UBE2E2: variants seen among roughly 807,000 people sequenced by gnomAD.
The protein encoded by UBE2E2 is ubiquitin-conjugating enzyme E2 E2.
In UBE2E2, 6 loss-of-function variants were observed where a neutral mutation model predicts 24.7. The ratio of observed to expected loss-of-function variants is 0.24; its 90% confidence interval spans 0.13 to 0.48. The LOEUF (loss-of-function observed/expected upper bound fraction) is 0.48. Ranked by LOEUF, UBE2E2 falls within the 20% of genes least tolerant of loss-of-function variation. UBE2E2 has a pLI of 0.99. For synonymous variants in UBE2E2, 104 were observed against 83.6 expected, an observed-to-expected ratio of 1.24 and a Z score of -1.33; for missense variants, 169 against 245.0, an observed-to-expected ratio of 0.69 and a Z score of 2.07.
At chr3:23,222,997 G>A (rs1049734923) in intron 3 of UBE2E2, among the ~76,000 whole-genome samples, 4 of 138,756 alleles carry the variant, frequency 2.9e-5, no homozygotes, top group Admixed American at 1.4e-4. Flanking sequence ...TTTGAGAAAT[G>A]TCTGTTTACA....
chr3:23,582,333 A>G (rs186466535), intron 5 of UBE2E2, among the ~76,000 whole-genome samples: 2 of 152,100 alleles, frequency 1.3e-5, no homozygotes, highest in African/African-American at 4.8e-5. Context: ...GGTTGATTCC[A>G]TGTCTTTGCT....
At chr3:23,265,739 A>G (rs1340384367) in intron 3 of UBE2E2, among the ~76,000 whole-genome samples, 3 of 152,152 alleles carry the variant, frequency 2.0e-5, no homozygotes, top group Admixed American at 2.0e-4. Context: ...TAATGTTGAC[A>G]GTGGGGTGTT....
At chr3:23,416,886 T>G (rs1163161621) in intron 3 of UBE2E2, among the ~76,000 whole-genome samples, 3 of 152,196 alleles carry the variant, frequency 2.0e-5, no homozygotes, top group Non-Finnish European at 2.9e-5. Context: ...TTGTGCTGTG[T>G]TTTTCAGCTC....
intron 3 of UBE2E2, among the ~76,000 whole-genome samples, chr3:23,450,180 A>T (rs1413863204): frequency 6.6e-6 from 1 of 152,184 alleles, no homozygotes; most frequent in South Asian, 2.1e-4. Flanking sequence ...TTGGATAAAG[A>T]GGTTAGGACT....
intron 4 of UBE2E2, among the ~76,000 whole-genome samples, chr3:23,506,362 C>G (rs1471984427): frequency 6.6e-6 from 1 of 152,190 alleles, no homozygotes; most frequent in Non-Finnish European, 1.5e-5. Flanking sequence ...TCAGCCAGAC[C>G]AGCTCCTCTA....
At chr3:23,574,427 C>T (rs1696298113) in intron 5 of UBE2E2, among the ~76,000 whole-genome samples, 1 of 152,134 alleles carries the variant, frequency 6.6e-6, no homozygotes, top group African/African-American at 2.4e-5. Context: ...GGGATGAATA[C>T]TCCATTTGCC....
chr3:23,438,950 A>G (rs1559383886), intron 3 of UBE2E2, among the ~76,000 whole-genome samples: 2 of 152,196 alleles, frequency 1.3e-5, no homozygotes, highest in Admixed American at 6.5e-5. Context: ...TTTGAATACT[A>G]CTCAACACAC....
chr3:23,204,535 G>T, intron 1 of UBE2E2: 1 of 230,416 alleles, frequency 4.3e-6, no homozygotes, highest in Non-Finnish European at 7.2e-6. Flanking sequence ...TTCTAGATAT[G>T]TGATAATTCA....
At chr3:23,276,176 T>G (rs1437000845) in intron 3 of UBE2E2, among the ~76,000 whole-genome samples, 1 of 152,188 alleles carries the variant, frequency 6.6e-6, no homozygotes, top group African/African-American at 2.4e-5. Context: ...CCATTATTCA[T>G]TTCCTTCAGA....
intron 3 of UBE2E2, among the ~76,000 whole-genome samples, chr3:23,253,843 A>G (rs1214465621): frequency 6.6e-6 from 1 of 152,240 alleles, no homozygotes; most frequent in Admixed American, 6.5e-5. Flanking sequence ...ATGAGTTTAT[A>G]AAGTATAAAT....
At chr3:23,302,442 C>G (rs1359551262) in intron 3 of UBE2E2, among the ~76,000 whole-genome samples, 2 of 152,140 alleles carry the variant, frequency 1.3e-5, no homozygotes, top group East Asian at 3.8e-4. Flanking sequence ...ATTCCTTTGG[C>G]AAAAACACCG....
chr3:23,412,806 C>T (rs540643922), intron 3 of UBE2E2, among the ~76,000 whole-genome samples: 4 of 152,288 alleles, frequency 2.6e-5, no homozygotes, highest in Admixed American at 2.6e-4. Context: ...CCTCACCCCA[C>T]ATTTACAGAA....
At chr3:23,442,726 C>G (rs1186896116) in intron 3 of UBE2E2, among the ~76,000 whole-genome samples, 1 of 152,090 alleles carries the variant, frequency 6.6e-6, no homozygotes, top group African/African-American at 2.4e-5. Context: ...CCAGCCAGAT[C>G]ATCCTTTCCT....
Position 23,433,029 on chromosome 3 carries a change from C to G in UBE2E2, c.228-66579C>G, listed in dbSNP as rs79628500. On this transcript the variant is annotated intron_variant, in intron 3 of 5. Transcript: ENST00000396703. ...TTAACAGAACTTTTAACTTATGATG[C>G]CTTTAATACTTTATTCCTGTGATAA... 2.5e-3 allele frequency among the ~76,000 whole-genome samples: 386 copies of G among 151,830 alleles called. 13 individuals are homozygous for G. The East Asian group carries it at 0.051, about 20-fold the overall frequency.
chr3:23,448,945 T>C (rs1052056657), intron 3 of UBE2E2, among the ~76,000 whole-genome samples: 2 of 152,210 alleles, frequency 1.3e-5, no homozygotes, highest in African/African-American at 4.8e-5. Flanking sequence ...TTCTTGGAGT[T>C]CACCACAAAC....
chr3:23,344,815 C>G (rs992661422), intron 3 of UBE2E2, among the ~76,000 whole-genome samples: 2 of 120,368 alleles, frequency 1.7e-5, no homozygotes, highest in Non-Finnish European at 3.6e-5. Flanking sequence ...GAGACCCAGT[C>G]TGTATTAAAA....
At chr3:23,445,174 A>C in intron 3 of UBE2E2, among the ~76,000 whole-genome samples, 1 of 152,304 alleles carries the variant, frequency 6.6e-6, no homozygotes, top group South Asian at 2.1e-4. Flanking sequence ...TGGGCTCACT[A>C]TGTCAACTCT....
chr3:23,221,578 A>G (rs1696643578), intron 3 of UBE2E2, among the ~76,000 whole-genome samples: 2 of 151,952 alleles, frequency 1.3e-5, no homozygotes, highest in East Asian at 3.9e-4. Context: ...TGGCTTTTAA[A>G]ATTTTTTTTA....
chr3:23,274,962 A>C lies in UBE2E2; in HGVS notation c.227+57650A>C, dbSNP rs190123613. 3.4e-3 allele frequency among the ~76,000 whole-genome samples: 518 copies of C among 152,276 alleles called. 2 individuals carry two copies. Among genetic ancestry groups the C allele is most frequent in the Middle Eastern group, 0.014 (4 of 294 alleles). On this transcript the variant is annotated intron_variant, in intron 3 of 5. Coordinates refer to ENST00000396703, the MANE Select transcript of UBE2E2 (RefSeq NM_152653.4). ...TGTTTAGAGTGCTGGTCAGGACCTG[A>C]GCTGTATGTGGACTGTTCAATGTAA...
Sources: allele counts gnomAD v4.1 joint callset (sites outside exome capture counted in the v4.1 genomes callset), GRCh38; gene constraint gnomAD v4.1.1; transcripts MANE v1.5; gene names NCBI Gene and HGNC (gene_info 2026-07-23, HGNC 2026-07-21).